Variants in IMMP2L observed in about 807,000 individuals in gnomAD.
IMMP2L encodes the protein mitochondrial inner membrane protease subunit 2.
IMMP2L carries 18 observed loss-of-function variants against 19.3 expected under a neutral mutation model. That is an observed-to-expected ratio of 0.93 (90% CI 0.64 to 1.38). The LOEUF is 1.38. Among genes scored for constraint, IMMP2L ranks in the 40% most tolerant of loss-of-function variants. The pLI is 0.00. For missense variants in IMMP2L, 233 were observed against 218.2 expected, an observed-to-expected ratio of 1.07 and a Z score of -0.43; for synonymous variants, 76 against 73.0, an observed-to-expected ratio of 1.04 and a Z score of -0.21.
intron 3 of IMMP2L, among the ~76,000 whole-genome samples, chr7:111,146,339 CT>C (rs1215417511): frequency 2.6e-5 from 4 of 151,980 alleles, no homozygotes; most frequent in African/African-American, 9.7e-5. Context: ...TATTATTTTT[CT>C]TTTAATATTA....
At chr7:111,440,717 TC>T (rs979412609) in intron 3 of IMMP2L, among the ~76,000 whole-genome samples, 15 of 151,994 alleles carry the variant, frequency 9.9e-5, no homozygotes, top group African/African-American at 3.6e-4. Context: ...AGTCAGACTG[TC>T]CTTCAAAACT....
intron 3 of IMMP2L, among the ~76,000 whole-genome samples, chr7:111,348,547 G>A (rs1204709130): frequency 6.6e-6 from 1 of 152,032 alleles, no homozygotes; most frequent in Non-Finnish European, 1.5e-5. Flanking sequence ...GAAACCAAAT[G>A]ATGCAGTTTT....
At chr7:110,954,881 T>C (rs551829972) in intron 4 of IMMP2L, among the ~76,000 whole-genome samples, 9 of 152,002 alleles carry the variant, frequency 5.9e-5, no homozygotes, top group Admixed American at 3.9e-4. Flanking sequence ...ATCACAAAAA[T>C]AGGTGTCACC....
intron 3 of IMMP2L, among the ~76,000 whole-genome samples, chr7:111,416,104 C>T (rs1419216091): frequency 2.0e-5 from 3 of 151,542 alleles, no homozygotes; most frequent in African/African-American, 7.3e-5. Context: ...CGGAGAACAT[C>T]TATTCCCAGT....
intron 3 of IMMP2L, among the ~76,000 whole-genome samples, chr7:111,484,495 T>C (rs562350055): frequency 4.6e-5 from 7 of 152,290 alleles, no homozygotes; most frequent in Admixed American, 2.6e-4. Context: ...CTAAACAAAA[T>C]TACGAAGTGT....
intron 3 of IMMP2L, among the ~76,000 whole-genome samples, chr7:111,161,570 AGATACCCAAAATAACCTTCAGTAAT>A (rs1268413947): frequency 2.0e-5 from 3 of 151,960 alleles, no homozygotes; most frequent in Non-Finnish European, 4.4e-5. Flanking sequence ...GAAACGAAAA[AGATACCCAAAATAACCTTCAGTAAT>A]GATGAATGTT....
chr7:111,137,949 T>G (rs1802502620), intron 3 of IMMP2L, among the ~76,000 whole-genome samples: 1 of 152,136 alleles, frequency 6.6e-6, no homozygotes, highest in Admixed American at 6.5e-5. Context: ...CTCAGCTTCC[T>G]GAGGAGCTGG....
intron 3 of IMMP2L, among the ~76,000 whole-genome samples, chr7:111,116,514 T>C (rs1799898870): frequency 6.6e-6 from 1 of 152,120 alleles, no homozygotes; most frequent in Admixed American, 6.6e-5. Context: ...AAATAATTTT[T>C]CTCTAATAAA....
At chr7:111,017,355 C>T (rs564002728) in intron 3 of IMMP2L, among the ~76,000 whole-genome samples, 15 of 152,082 alleles carry the variant, frequency 9.9e-5, no homozygotes, top group African/African-American at 3.4e-4. Context: ...TGAGCCACTG[C>T]GCCCAGCCTT....
In IMMP2L at chr7:111,126,341, A is replaced by C. The variant is rs189365992; in HGVS notation, c.240-162776T>G. On this transcript the variant is annotated intron_variant, in intron 3 of 5. Transcript: ENST00000405709. ...ATTACACCATAAAACATATAGCATT[A>C]GTAGTAGAAGTTTAACAGGTTCGAC... Among the ~76,000 whole-genome samples, 48 of 152,326 alleles carry C rather than the reference A, an allele frequency of 3.2e-4. No individual in the cohort carries two copies. The East Asian group carries it at 7.5e-3, about 24-fold the overall frequency.
intron 5 of IMMP2L, among the ~76,000 whole-genome samples, chr7:110,720,002 A>C (rs913134545): frequency 6.6e-6 from 1 of 152,210 alleles, no homozygotes. Flanking sequence ...GTTATTTTAC[A>C]TCTTAGTGTT....
chr7:111,238,838 T>C (rs1814652822), intron 3 of IMMP2L, among the ~76,000 whole-genome samples: 1 of 151,976 alleles, frequency 6.6e-6, no homozygotes, highest in Non-Finnish European at 1.5e-5. Flanking sequence ...TGCCACTTAG[T>C]AGTTGTTTGA....
chr7:110,829,720 A>G (rs1178627412), intron 5 of IMMP2L, among the ~76,000 whole-genome samples: 1 of 152,184 alleles, frequency 6.6e-6, no homozygotes, highest in African/African-American at 2.4e-5. Context: ...TTTGAACATA[A>G]TAAATCTAGT....
intron 3 of IMMP2L, chr7:111,483,459 T>C (rs1297475556): frequency 2.6e-5 from 4 of 152,190 alleles, no homozygotes; most frequent in Non-Finnish European, 4.4e-5. Context: ...TAGTGAGGAC[T>C]TGATGACAGC....
chr7:111,550,926 T>A (rs1849394686), intron 1 of IMMP2L, among the ~76,000 whole-genome samples: 1 of 152,104 alleles, frequency 6.6e-6, no homozygotes, highest in South Asian at 2.1e-4. Flanking sequence ...AAGAGGGAAG[T>A]CAGCAGATAA....
At chr7:110,871,547 T>C (rs1211053805) in intron 5 of IMMP2L, among the ~76,000 whole-genome samples, 1 of 152,142 alleles carries the variant, frequency 6.6e-6, no homozygotes, top group East Asian at 1.9e-4. Flanking sequence ...CTAAGATGGA[T>C]ATTTGGAAGA....
At chr7:111,058,922 C>G (rs1200828417) in intron 3 of IMMP2L, among the ~76,000 whole-genome samples, 1 of 152,072 alleles carries the variant, frequency 6.6e-6, no homozygotes, top group Non-Finnish European at 1.5e-5. Flanking sequence ...GAGACTTTAT[C>G]ACTGTGTTTT....
chr7:110,875,754 C>T (rs1201015127), intron 5 of IMMP2L, among the ~76,000 whole-genome samples: 1 of 152,108 alleles, frequency 6.6e-6, no homozygotes, highest in Non-Finnish European at 1.5e-5. Flanking sequence ...AATAAAATCA[C>T]TGGAGGTCTA....
rs368259134 is a variant in IMMP2L, at chr7:110,949,356, T to G, written c.305+14144A>C. On this transcript the variant is annotated intron_variant, in intron 4 of 5. Coordinates refer to ENST00000405709, the MANE Select transcript of IMMP2L (RefSeq NM_032549.4). ...AAATTAACAACTCAATATTTTCTCTTTTGTTGCTCTCTGCCTCAACCAATA... is the reference window on the plus strand; with the variant it reads ...AAATTAACAACTCAATATTTTCTCTGTTGTTGCTCTCTGCCTCAACCAATA... Among the ~76,000 whole-genome samples the G allele has an allele frequency of 5.9e-5, 9 of 152,306 alleles. No homozygotes were observed. The East Asian group carries it at 1.7e-3, about 29-fold the overall frequency.
Sources: allele counts gnomAD v4.1 joint callset (sites outside exome capture counted in the v4.1 genomes callset), GRCh38; gene constraint gnomAD v4.1.1; transcripts MANE v1.5; gene names NCBI Gene and HGNC (gene_info 2026-07-23, HGNC 2026-07-21).